Variants in USP45 observed in about 807,000 individuals in gnomAD.
USP45 encodes the protein ubiquitin carboxyl-terminal hydrolase 45.
USP45 carries 89 observed loss-of-function variants against 95.8 expected under a neutral mutation model. That is an observed-to-expected ratio of 0.93 (90% CI 0.78 to 1.11). USP45 has a LOEUF of 1.11. Among genes scored for constraint, USP45 ranks in the 50% least tolerant of loss-of-function variants. USP45 has a pLI of 0.00. For missense variants in USP45, 898 were observed against 942.5 expected, an observed-to-expected ratio of 0.95 and a Z score of 0.62; for synonymous variants, 281 against 316.2, an observed-to-expected ratio of 0.89 and a Z score of 1.18.
At chr6:99,487,749 C>G (rs1226483885) in intron 7 of USP45, among the ~76,000 whole-genome samples, 1 of 151,644 alleles carries the variant, frequency 6.6e-6, no homozygotes, top group Non-Finnish European at 1.5e-5. Context: ...GAGCTGAGAT[C>G]GCGCCACTGC....
At chr6:99,479,176 AC>A in intron 8 of USP45, among the ~76,000 whole-genome samples, 1 of 142,990 alleles carries the variant, frequency 7.0e-6, no homozygotes, top group Admixed American at 7.2e-5. Flanking sequence ...ACACACACAC[AC>A]ACACACACAT....
chr6:99,484,025 T>TTTTTTTTC (rs1427246582), intron 7 of USP45, among the ~76,000 whole-genome samples: 1 of 145,566 alleles, frequency 6.9e-6, no homozygotes, highest in African/African-American at 2.5e-5. Context: ...TTTTTTTTTT[T>TTTTTTTTC]AAAGAGACAG....
In USP45 at chr6:99,433,020, G is replaced by T. The variant is rs1271019106; in HGVS notation, c.*2696C>A. 6.6e-6 allele frequency: 1 copy of T among 152,074 alleles called. No homozygotes were observed. Among genetic ancestry groups the T allele is most frequent in the Non-Finnish European group, 1.5e-5 (1 of 68,008 alleles). 9.4% of individuals were successfully genotyped at this position (152,074 alleles called of 1,614,324 possible). A position where few individuals can be genotyped will look rare whatever the true frequency, so the allele number is the denominator to read the frequency against. ...TCTTTTTATTTATTTTTGAGACAGGGTCTCACTCCGTCACTCTGCAGGAAT... is the reference window on the plus strand; with the variant it reads ...TCTTTTTATTTATTTTTGAGACAGGTTCTCACTCCGTCACTCTGCAGGAAT... On this transcript the variant is annotated 3_prime_UTR_variant, in exon 18 of 18. Coordinates refer to ENST00000500704, the MANE Select transcript of USP45 (RefSeq NM_001346022.3).
At chr6:99,453,195 G>A (rs990346122) in intron 13 of USP45, among the ~76,000 whole-genome samples, 30 of 136,664 alleles carry the variant, frequency 2.2e-4, no homozygotes, top group African/African-American at 8.1e-4. Flanking sequence ...AACATAAAAG[G>A]CATCCAAATT....
In USP45 at chr6:99,496,249, G is replaced by A. The variant is rs902219970; in HGVS notation, c.479-7429C>T. On this transcript the variant is annotated intron_variant, in intron 5 of 17. Coordinates refer to ENST00000500704, the MANE Select transcript of USP45 (RefSeq NM_001346022.3). Reference sequence around the variant, plus strand: ...TCTTCCCACCTTAGCCTCCCAAAGTGCTGGGATTACAGGCATGAGCCATAC... The same window carrying A: ...TCTTCCCACCTTAGCCTCCCAAAGTACTGGGATTACAGGCATGAGCCATAC... Among the ~76,000 whole-genome samples, 8 of 151,940 alleles carry A rather than the reference G, an allele frequency of 5.3e-5. No individual in the cohort carries two copies. In the East Asian group the frequency reaches 1.3e-3, roughly 26 times the overall value.
intron 7 of USP45, among the ~76,000 whole-genome samples, chr6:99,486,171 A>G (rs1401076665): frequency 6.6e-6 from 1 of 152,222 alleles, no homozygotes; most frequent in African/African-American, 2.4e-5. Context: ...TAAACGGTAT[A>G]TAGACAAAAG....
At chr6:99,512,025 TATC>T (rs1178644259) in intron 1 of USP45, among the ~76,000 whole-genome samples, 1 of 152,018 alleles carries the variant, frequency 6.6e-6, no homozygotes, top group Non-Finnish European at 1.5e-5. Context: ...AATTTTCTAA[TATC>T]ATCTCATATT....
At chr6:99,478,839 G>A (rs1344807533) in intron 8 of USP45, among the ~76,000 whole-genome samples, 1 of 152,156 alleles carries the variant, frequency 6.6e-6, no homozygotes, top group Non-Finnish European at 1.5e-5. Flanking sequence ...AGTGGTCAAA[G>A]TGTGTGATAA....
chr6:99,514,740 A>C (rs1800745431), intron 1 of USP45: 1 of 152,174 alleles, frequency 6.6e-6, no homozygotes, highest in Non-Finnish European at 1.5e-5. Flanking sequence ...AAAGGTCACT[A>C]TCTCCTTTTA....
intron 15 of USP45, 27 bp downstream of exon 15, chr6:99,443,538 A>T: frequency 6.6e-7 from 1 of 1,513,282 alleles, no homozygotes; most frequent in Non-Finnish European, 9.1e-7. Context: ...ACATGATGAA[A>T]ATTATGGTGC....
intron 1 of USP45, among the ~76,000 whole-genome samples, chr6:99,511,551 G>A (rs1799798132): frequency 6.6e-6 from 1 of 151,968 alleles, no homozygotes; most frequent in Non-Finnish European, 1.5e-5. Context: ...CCAGGCTCAG[G>A]TGATACGCCC....
chr6:99,514,884 A>AT (rs1408192135), intron 1 of USP45: 1 of 152,200 alleles, frequency 6.6e-6, no homozygotes, highest in Non-Finnish European at 1.5e-5. Flanking sequence ...TATTTTCCGC[A>AT]TTTTACACTT....
At chr6:99,462,028 C>T in intron 13 of USP45, 1 of 985,102 alleles carries the variant, frequency 1.0e-6, no homozygotes, top group Non-Finnish European at 1.2e-6. Flanking sequence ...TAAATTTTCG[C>T]TTCTTGAATA....
At chr6:99,474,928 G>C (rs1276800796) in intron 9 of USP45, among the ~76,000 whole-genome samples, 1 of 152,154 alleles carries the variant, frequency 6.6e-6, no homozygotes, top group African/African-American at 2.4e-5. Context: ...TCAGTTAGGG[G>C]ATAGGCCTAC....
rs1787429674 is a variant in USP45 at position 99,464,597 on chromosome 6, G to A, written c.1308+7C>T. 2 of 1,607,284 alleles carry A rather than the reference G, an allele frequency of 1.2e-6. No individual in the cohort carries two copies. ...AACAGACGTCTAACAGATGCTTATG[G>A]TCTTACCTTATCTTTAGATGAAGAA... On this transcript the variant is annotated splice_region_variant and intron_variant, in intron 13 of 17. Transcript: ENST00000500704.
intron 5 of USP45, among the ~76,000 whole-genome samples, chr6:99,496,406 A>T (rs1023469652): frequency 9.1e-5 from 13 of 143,644 alleles, no homozygotes; most frequent in African/African-American, 1.9e-4. Flanking sequence ...TTTCTTATTT[A>T]AAAAAAAAAA....
intron 9 of USP45, among the ~76,000 whole-genome samples, chr6:99,471,528 GA>G: frequency 6.6e-6 from 1 of 152,012 alleles, no homozygotes; most frequent in East Asian, 1.9e-4. Context: ...AAATTAAAAG[GA>G]AAAAACAAAG....
intron 9 of USP45, among the ~76,000 whole-genome samples, chr6:99,471,336 A>G (rs1789353954): frequency 6.6e-6 from 1 of 152,228 alleles, no homozygotes; most frequent in African/African-American, 2.4e-5. Context: ...CACTTAATCA[A>G]TTAGCAGTAT....
intron 13 of USP45, chr6:99,461,267 T>C (rs1786402752): frequency 4.1e-6 from 4 of 985,394 alleles, no homozygotes; most frequent in African/African-American, 3.5e-5. Context: ...ATCAGCATGA[T>C]GGTTTTTTAA....
Sources: gnomAD v4.1 joint callset for allele counts (sites outside exome capture counted in the v4.1 genomes callset) on GRCh38, gnomAD v4.1.1 for gene constraint, MANE v1.5 for transcripts, NCBI Gene and HGNC (gene_info 2026-07-23, HGNC 2026-07-21) for gene names.